Variants in LPIN2 observed in about 807,000 individuals in gnomAD.
LPIN2 encodes lipin 2, also known as phosphatidate phosphatase LPIN2.
LPIN2 carries 55 observed loss-of-function variants against 111.4 expected under a neutral mutation model. The observed-to-expected ratio is 0.49, with a 90% CI of 0.40 to 0.62. The LOEUF is 0.62. Ranked by LOEUF, LPIN2 falls within the 20% of genes least tolerant of loss-of-function variation. The pLI is 0.00. For synonymous variants in LPIN2, 425 were observed against 414.0 expected, an observed-to-expected ratio of 1.03 and a Z score of -0.32; for missense variants, 992 against 1,112.1, an observed-to-expected ratio of 0.89 and a Z score of 1.54.
chr18:2,924,439 A>T lies in LPIN2; in HGVS notation c.2046T>A (p.Asn682Lys), dbSNP rs2077101488. The change falls in exon 15 of 20, where the codon AAT becomes AAA. Residue 682 changes from asparagine (N) to lysine (K), a missense_variant. Around this residue, in one of 4 missense-constraint regions of LPIN2, gnomAD observed 709 missense variants for 753.2 expected, o/e 0.94. Transcript: ENST00000677752. ...CAGTIYLWNW[N>K]DKIIISDIDG... ...CAATATCAGAAATGATGATCTTGTC[A>T]TTCCAGTTCCACAGGTAAATGGTCC... 6.2e-7 allele frequency: 1 copy of T among 1,614,110 alleles called. No individual in the cohort carries two copies. Among genetic ancestry groups the T allele is most frequent in the African/African-American group, 1.3e-5 (1 of 74,926 alleles).
chr18:2,944,375 G>A (rs188419245), intron 4 of LPIN2, among the ~76,000 whole-genome samples: 1 of 98,302 alleles, frequency 1.0e-5, no homozygotes, highest in Non-Finnish European at 1.9e-5. Context: ...TTTTTGAGTC[G>A]GAGTCTGGCT....
rs1026740324 is a variant in LPIN2 at position 2,970,520 on chromosome 18, C to T, written c.-9-9671G>A. Among the ~76,000 whole-genome samples the T allele has an allele frequency of 2.4e-4, 37 of 152,354 alleles. No individual in the cohort carries two copies. The South Asian group carries it at 4.1e-3, about 17-fold the overall frequency. On this transcript the variant is annotated intron_variant, in intron 1 of 19. Transcript: ENST00000677752. Reference sequence around the variant, plus strand: ...CTTGCCCTCTTGGCATCTCTCTGAACGATGAGCCAGTCATAAGTTTCTTTG... The same window carrying T: ...CTTGCCCTCTTGGCATCTCTCTGAATGATGAGCCAGTCATAAGTTTCTTTG...
intron 5 of LPIN2, 93 bp from the exon 6 acceptor site, chr18:2,939,696 T>C: frequency 2.1e-6 from 3 of 1,408,400 alleles, no homozygotes; most frequent in Non-Finnish European, 2.9e-6. Flanking sequence ...AATCTGAATA[T>C]CTTGACTTTA....
At chr18:2,967,383 G>C (rs1181016014) in intron 1 of LPIN2, among the ~76,000 whole-genome samples, 1 of 152,144 alleles carries the variant, frequency 6.6e-6, no homozygotes, top group Non-Finnish European at 1.5e-5. Context: ...TGGCCAATAT[G>C]AATCTGGGGG....
At chr18:3,000,081 G>A (rs1439075168) in intron 1 of LPIN2, among the ~76,000 whole-genome samples, 1 of 146,824 alleles carries the variant, frequency 6.8e-6, no homozygotes, top group Non-Finnish European at 1.5e-5. Flanking sequence ...AGGAAGAGGA[G>A]AAGGAGGAAG....
At chr18:2,969,864 T>C (rs2077876367) in intron 1 of LPIN2, among the ~76,000 whole-genome samples, 1 of 152,192 alleles carries the variant, frequency 6.6e-6, no homozygotes, top group Non-Finnish European at 1.5e-5. Flanking sequence ...CTGATTAAGT[T>C]TGTTATGAAG....
At chr18:3,012,491 G>A (rs985067573) in intron 1 of LPIN2, among the ~76,000 whole-genome samples, 8 of 86,406 alleles carry the variant, frequency 9.3e-5, no homozygotes, top group Non-Finnish European at 4.0e-5. Context: ...TCTGCACCGG[G>A]GGCTGGGGGG....
At position 2,919,645 on chromosome 18, in the gene LPIN2, A is replaced by AG. The variant is rs2077023271; in HGVS notation, c.*647dup. 1 of 156,720 alleles carries AG rather than the reference A, an allele frequency of 6.4e-6. No homozygotes were observed. The highest frequency in any genetic ancestry group is 1.4e-5 in the Non-Finnish European group (1 of 70,832). 9.7% of individuals were successfully genotyped at this position (156,720 alleles called of 1,614,324 possible). A position where few individuals can be genotyped will look rare whatever the true frequency, so the allele number is the denominator to read the frequency against. Reference sequence around the variant, plus strand: ...AGGGCTCGTGGAGTTGTCACAGATGAGAGGAGGATGCTCTGTGGGGATCTT... The same window carrying AG: ...AGGGCTCGTGGAGTTGTCACAGATGAGGAGGAGGATGCTCTGTGGGGATCTT... On this transcript the variant is annotated 3_prime_UTR_variant, in exon 20 of 20. Transcript: ENST00000677752.
intron 1 of LPIN2, among the ~76,000 whole-genome samples, chr18:2,998,884 G>C (rs1286569107): frequency 6.6e-6 from 1 of 152,106 alleles, no homozygotes; most frequent in African/African-American, 2.4e-5. Flanking sequence ...AATGACTTTA[G>C]AAACAAACCA....
rs2144098813 is a variant in LPIN2 at position 2,918,363 on chromosome 18, G to A, written c.*1930C>T. ...TTTTTCAGTACCATACATATGCAAA[G>A]AAGTCCTACTATAAGCTCAGTTAAA... On this transcript the variant is annotated 3_prime_UTR_variant, in exon 20 of 20. Coordinates refer to ENST00000677752, the MANE Select transcript of LPIN2 (RefSeq NM_001375808.2). The A allele has an allele frequency of 1.3e-5, 2 of 152,318 alleles. No homozygotes were observed. The highest frequency in any genetic ancestry group is 3.4e-3 in the Middle Eastern group (1 of 294). 9.4% of individuals were successfully genotyped at this position (152,318 alleles called of 1,614,324 possible). A position where few individuals can be genotyped will look rare whatever the true frequency, so the allele number is the denominator to read the frequency against.
chr18:3,003,316 G>A (rs1487843006), intron 1 of LPIN2, among the ~76,000 whole-genome samples: 4 of 152,186 alleles, frequency 2.6e-5, no homozygotes, highest in Admixed American at 6.5e-5. Context: ...ATGATACAGT[G>A]AAGAAAGCAC....
At chr18:2,931,235 G>T (rs568417517) in intron 9 of LPIN2, 21 bp downstream of exon 9, 2 of 1,612,616 alleles carry the variant, frequency 1.2e-6, no homozygotes, top group South Asian at 2.2e-5. Context: ...AATGAAGATG[G>T]GGCACAAACA....
chr18:2,930,357 T>C (rs1012226564), intron 9 of LPIN2, among the ~76,000 whole-genome samples: 1 of 152,178 alleles, frequency 6.6e-6, no homozygotes, highest in Non-Finnish European at 1.5e-5. Flanking sequence ...GAATGAACCA[T>C]TGGCCATAAC....
chr18:2,988,817 C>T (rs1214797708), intron 1 of LPIN2, among the ~76,000 whole-genome samples: 1 of 152,126 alleles, frequency 6.6e-6, no homozygotes, highest in Non-Finnish European at 1.5e-5. Context: ...TGAAACAGAA[C>T]AAGTGTGACA....
chr18:2,958,150 A>C lies in LPIN2; in HGVS notation c.192+2499T>G, dbSNP rs1287567325. Among the ~76,000 whole-genome samples the C allele has an allele frequency of 1.1e-4, 13 of 119,832 alleles. 2 individuals are homozygous for C. The highest frequency in any genetic ancestry group is 3.6e-4 in the African/African-American group (11 of 30,542). 78.6% of individuals were successfully genotyped at this position (119,832 alleles called of 152,430 possible). Reference sequence around the variant, plus strand: ...AAGCGAGACTCCATCTCAAAAAAAAAAAAAAAACAACAAAAAAAAAAAACA... The same window carrying C: ...AAGCGAGACTCCATCTCAAAAAAAACAAAAAAACAACAAAAAAAAAAAACA... On this transcript the variant is annotated intron_variant, in intron 2 of 19. Transcript: ENST00000677752.
At chr18:3,005,817 G>C (rs367989155) in intron 1 of LPIN2, among the ~76,000 whole-genome samples, 7 of 152,280 alleles carry the variant, frequency 4.6e-5, no homozygotes, top group African/African-American at 1.7e-4. Flanking sequence ...CTTGGGCCCA[G>C]AAGTTTGAGA....
intron 1 of LPIN2, among the ~76,000 whole-genome samples, chr18:3,002,814 A>G (rs887699955): frequency 6.6e-6 from 1 of 152,186 alleles, no homozygotes; most frequent in African/African-American, 2.4e-5. Flanking sequence ...CTTTCCCACA[A>G]TCGCTCAAGC....
rs1225655845 is a variant in LPIN2, at chr18:2,923,398, C to T, written c.2174+377G>A. Among the ~76,000 whole-genome samples the T allele has an allele frequency of 5.8e-4, 37 of 64,028 alleles. 1 individual carries two copies. In the Admixed American group the frequency reaches 6.6e-3, roughly 11 times the overall value. 42.0% of individuals were successfully genotyped at this position (64,028 alleles called of 152,430 possible). A position where few individuals can be genotyped will look rare whatever the true frequency, so the allele number is the denominator to read the frequency against. ...TCGCGCCATTGCACTTCAGCCTGGG[C>T]GACAAGAGCAAAACTCCATCTCAAA... On this transcript the variant is annotated intron_variant, in intron 16 of 19. Coordinates refer to ENST00000677752, the MANE Select transcript of LPIN2 (RefSeq NM_001375808.2).
chr18:2,962,820 GAA>G (rs147003713), intron 1 of LPIN2, among the ~76,000 whole-genome samples: 1 of 144,946 alleles, frequency 6.9e-6, no homozygotes, highest in African/African-American at 2.5e-5. Context: ...TTTATTACAA[GAA>G]AAAAAAAACA....
Sources: allele counts gnomAD v4.1 joint callset (sites outside exome capture counted in the v4.1 genomes callset), GRCh38; gene constraint gnomAD v4.1.1; regional missense constraint gnomAD v4.1.1; transcripts MANE v1.5; gene names NCBI Gene and HGNC (gene_info 2026-07-23, HGNC 2026-07-21).